The following TRPM3 variants were observed in gnomAD, a reference collection of about 807,000 sequenced individuals.
TRPM3 encodes transient receptor potential cation channel subfamily M member 3, also known as long transient receptor potential channel 3.
A neutral mutation model predicts 181.2 loss-of-function variants in TRPM3; 77 were observed. That is an observed-to-expected ratio of 0.42 (90% CI 0.35 to 0.51). The LOEUF (loss-of-function observed/expected upper bound fraction) is 0.51, where lower values mean the gene tolerates loss of function less well. TRPM3 is among the 20% of genes least tolerant of loss of function. The pLI is 0.01. For missense variants in TRPM3, 1,759 were observed against 2,196.7 expected, an observed-to-expected ratio of 0.80 and a Z score of 3.98; for synonymous variants, 745 against 796.4, an observed-to-expected ratio of 0.94 and a Z score of 1.09.
chr9:71,240,071 G>A (rs1236357778), intron 1 of TRPM3, among the ~76,000 whole-genome samples: 2 of 152,286 alleles, frequency 1.3e-5, no homozygotes, highest in East Asian at 3.9e-4. Context: ...ATTAACTAAA[G>A]AGAACCTATG....
At chr9:70,903,027 T>A (rs2096407866) in intron 1 of TRPM3, among the ~76,000 whole-genome samples, 1 of 152,126 alleles carries the variant, frequency 6.6e-6, no homozygotes, top group Admixed American at 6.5e-5. Flanking sequence ...AGATGGGGGA[T>A]GTAAAGATGT....
At chr9:71,237,860 A>G (rs2081449443) in intron 1 of TRPM3, among the ~76,000 whole-genome samples, 1 of 152,206 alleles carries the variant, frequency 6.6e-6, no homozygotes, top group Non-Finnish European at 1.5e-5. Flanking sequence ...ACAGAAGGGC[A>G]AGCTAGCTAA....
At chr9:70,945,887 G>C (rs764208829) in intron 1 of TRPM3, among the ~76,000 whole-genome samples, 3 of 152,094 alleles carry the variant, frequency 2.0e-5, no homozygotes, top group Non-Finnish European at 2.9e-5. Flanking sequence ...AACCTGCAGG[G>C]TGTTGAGGAC....
chr9:70,877,016 TTTGTA>T (rs1257934203), intron 1 of TRPM3, among the ~76,000 whole-genome samples: 1 of 152,054 alleles, frequency 6.6e-6, no homozygotes, highest in African/African-American at 2.4e-5. Context: ...AGCCTCACTG[TTTGTA>T]TTGTACAGTT....
chr9:71,093,898 A>G (rs2066670625), intron 1 of TRPM3, among the ~76,000 whole-genome samples: 2 of 152,146 alleles, frequency 1.3e-5, no homozygotes, highest in Admixed American at 1.3e-4. Context: ...ATGGGATCCT[A>G]TGCAGCCATA....
At chr9:70,909,317 A>G (rs1398812668) in intron 1 of TRPM3, among the ~76,000 whole-genome samples, 1 of 152,178 alleles carries the variant, frequency 6.6e-6, no homozygotes, top group African/African-American at 2.4e-5. Context: ...AGGACCTTAC[A>G]TTTCTATGTT....
chr9:70,937,304 G>A (rs1282474345), intron 1 of TRPM3, among the ~76,000 whole-genome samples: 6 of 152,134 alleles, frequency 3.9e-5, no homozygotes, highest in Non-Finnish European at 4.4e-5. Flanking sequence ...GTACAAACTA[G>A]CATCTTCAGG....
intron 1 of TRPM3, among the ~76,000 whole-genome samples, chr9:71,169,072 A>G (rs114282910): frequency 3.2e-3 from 487 of 152,274 alleles, no homozygotes; most frequent in African/African-American, 0.011. Context: ...GAGTGGTGAG[A>G]ACTGTGGTCT....
chr9:71,413,655 C>T (rs900785479), intron 1 of TRPM3, among the ~76,000 whole-genome samples: 7 of 152,036 alleles, frequency 4.6e-5, no homozygotes, highest in Non-Finnish European at 1.0e-4. Context: ...GAGAGCTCCA[C>T]CCTCACTAAT....
At chr9:71,263,745 CT>C (rs5898189) in intron 1 of TRPM3, among the ~76,000 whole-genome samples, 40,959 of 151,882 alleles carry the variant, frequency 0.27, 5,862 homozygotes, top group Admixed American at 0.35. Context: ...ATAATCACCC[CT>C]GGTCTCAAAT....
chr9:71,103,256 C>T (rs1174372498), intron 1 of TRPM3, among the ~76,000 whole-genome samples: 2 of 152,080 alleles, frequency 1.3e-5, no homozygotes, highest in African/African-American at 4.8e-5. Context: ...GTAAATACCC[C>T]TATTATGCTT....
intron 1 of TRPM3, among the ~76,000 whole-genome samples, chr9:71,393,788 A>C (rs1377116299): frequency 1.3e-5 from 2 of 152,210 alleles, no homozygotes; most frequent in African/African-American, 4.8e-5. Flanking sequence ...TAAGTATACC[A>C]CACAGCACAC....
intron 1 of TRPM3, among the ~76,000 whole-genome samples, chr9:71,033,974 T>A (rs1229668888): frequency 6.6e-6 from 1 of 152,062 alleles, no homozygotes; most frequent in Non-Finnish European, 1.5e-5. Flanking sequence ...GACATGCTAA[T>A]GAAACTAACA....
intron 1 of TRPM3, among the ~76,000 whole-genome samples, chr9:71,148,577 C>A (rs761523195): frequency 2.0e-5 from 3 of 152,088 alleles, no homozygotes; most frequent in Non-Finnish European, 4.4e-5. Flanking sequence ...AGACTGACAC[C>A]TGGAAAATCT....
chr9:70,986,861 G>A (rs17056153), intron 1 of TRPM3, among the ~76,000 whole-genome samples: 1 of 151,894 alleles, frequency 6.6e-6, no homozygotes, highest in Non-Finnish European at 1.5e-5. Context: ...CCCTCAAGGA[G>A]TATCGTTTAA....
intron 1 of TRPM3, among the ~76,000 whole-genome samples, chr9:71,401,857 A>G (rs1074670): frequency 0.44 from 67,578 of 152,056 alleles, 15,222 homozygotes; most frequent in South Asian, 0.52. Flanking sequence ...GGACTACTCA[A>G]TAATTTATCC....
chr9:70,664,812 G>A (rs745871885), intron 9 of TRPM3, among the ~76,000 whole-genome samples: 21 of 151,918 alleles, frequency 1.4e-4, no homozygotes, highest in Middle Eastern at 3.4e-3. Context: ...CACCACCCCC[G>A]GCTAATCTTT....
intron 1 of TRPM3, among the ~76,000 whole-genome samples, chr9:71,363,561 G>A (rs2092233539): frequency 6.6e-6 from 1 of 151,988 alleles, no homozygotes; most frequent in Admixed American, 6.6e-5. Context: ...AACTTTTCTG[G>A]CTCTATCCAC....
chr9:70,555,153 C>T (rs937391646), intron 22 of TRPM3, among the ~76,000 whole-genome samples: 1 of 152,210 alleles, frequency 6.6e-6, no homozygotes, highest in Non-Finnish European at 1.5e-5. Context: ...CATGCTGCTG[C>T]TTGGCTTCTA....
Sources: allele counts gnomAD v4.1 joint callset (sites outside exome capture counted in the v4.1 genomes callset), GRCh38; gene constraint gnomAD v4.1.1; transcripts MANE v1.5; gene names NCBI Gene and HGNC (gene_info 2026-07-23, HGNC 2026-07-21).